The following ICA1 variants were observed in gnomAD, a reference collection of about 807,000 sequenced individuals.
ICA1 encodes the protein 69 kDa islet cell autoantigen.
In ICA1, 40 loss-of-function variants were observed where a neutral mutation model predicts 71.0. The observed-to-expected ratio is 0.56, with a 90% CI of 0.44 to 0.73. The LOEUF (loss-of-function observed/expected upper bound fraction) is 0.73. Ranked by LOEUF, ICA1 falls within the 30% of genes least tolerant of loss-of-function variation. The pLI is 0.00. For missense variants in ICA1, 578 were observed against 576.5 expected (o/e 1.00, Z -0.03); for synonymous variants, 207 against 209.5 (o/e 0.99, Z 0.10).
intron 6 of ICA1, among the ~76,000 whole-genome samples, chr7:8,192,446 C>T (rs1786009035): frequency 1.3e-5 from 2 of 152,200 alleles, no homozygotes; most frequent in African/African-American, 4.8e-5. Flanking sequence ...GTGGCACATG[C>T]TGTTGGTTAG....
In ICA1 at chr7:8,234,534, A is replaced by C. The variant is rs528002160; in HGVS notation, c.17+1376T>G. 2.6e-5 allele frequency among the ~76,000 whole-genome samples: 4 copies of C among 152,340 alleles called. No individual in the cohort carries two copies. Among genetic ancestry groups the C allele is most frequent in the Non-Finnish European group, 5.9e-5 (4 of 68,036 alleles). ...GACTATATCAAAATACCAGTATCTCAAAACCTACTTTCCTTCATTTACAAT... is the reference window on the plus strand; with the variant it reads ...GACTATATCAAAATACCAGTATCTCCAAACCTACTTTCCTTCATTTACAAT... On this transcript the variant is annotated intron_variant, in intron 2 of 13. Transcript: ENST00000402384. This position sits in a 1 kb window ranked among gnomAD's most constrained non-coding sequence, Gnocchi z 4.5.
intron 1 of ICA1, among the ~76,000 whole-genome samples, chr7:8,257,313 G>A (rs564023752): frequency 7.2e-5 from 11 of 152,274 alleles, no homozygotes; most frequent in African/African-American, 2.2e-4. Flanking sequence ...AGAGAAGACC[G>A]GATTTTCCCC....
At chr7:8,139,068 C>G (rs1230883044) in intron 10 of ICA1, 21 bp from the exon 11 acceptor site, 4 of 1,596,622 alleles carry the variant, frequency 2.5e-6, no homozygotes, top group Non-Finnish European at 3.4e-6. Flanking sequence ...ACATGTGCAA[C>G]TGGTTACCAA....
At chr7:8,131,417 T>C (rs1434030641) in intron 12 of ICA1, among the ~76,000 whole-genome samples, 1 of 152,202 alleles carries the variant, frequency 6.6e-6, no homozygotes, top group Non-Finnish European at 1.5e-5. Flanking sequence ...AACTTTTTAG[T>C]GACAGAAAAG....
intron 6 of ICA1, among the ~76,000 whole-genome samples, chr7:8,164,299 G>A (rs1315818187): frequency 1.9e-4 from 13 of 68,388 alleles, no homozygotes; most frequent in African/African-American, 5.2e-4. Context: ...GCGAGACTCC[G>A]TCTCAAAAAA....
chr7:8,219,849 T>G (rs75042308), intron 5 of ICA1, among the ~76,000 whole-genome samples: 2,480 of 152,350 alleles, frequency 0.016, 62 homozygotes, highest in African/African-American at 0.057. Context: ...TTCTAGATTC[T>G]TTGTTTCTCT....
At chr7:8,213,617 C>T (rs1241755595) in intron 6 of ICA1, among the ~76,000 whole-genome samples, 1 of 152,210 alleles carries the variant, frequency 6.6e-6, no homozygotes, top group East Asian at 1.9e-4. Flanking sequence ...TGACCTCTGA[C>T]AAAAACCAAT....
chr7:8,246,564 G>A (rs1463401898), intron 1 of ICA1, among the ~76,000 whole-genome samples: 1 of 152,122 alleles, frequency 6.6e-6, no homozygotes, highest in African/African-American at 2.4e-5. Flanking sequence ...CACCTTGATG[G>A]GGTTACAATA....
chr7:8,202,893 G>A (rs1268285024), intron 6 of ICA1, among the ~76,000 whole-genome samples: 3 of 152,086 alleles, frequency 2.0e-5, no homozygotes, highest in Non-Finnish European at 4.4e-5. Flanking sequence ...AAAATGCAGA[G>A]GGGAGGATTC....
At chr7:8,121,066 G>A (rs557424455) in intron 13 of ICA1, among the ~76,000 whole-genome samples, 37 of 152,370 alleles carry the variant, frequency 2.4e-4, no homozygotes, top group African/African-American at 7.7e-4. Flanking sequence ...TTTGGGGGTT[G>A]TCTGGATAAA....
At chr7:8,124,034 TG>T (rs1788048520) in intron 13 of ICA1, among the ~76,000 whole-genome samples, 1 of 152,006 alleles carries the variant, frequency 6.6e-6, no homozygotes, top group Non-Finnish European at 1.5e-5. Context: ...GGACAGTTCC[TG>T]GCACGTAGCA....
At chr7:8,143,821 C>A in intron 9 of ICA1, 54 bp downstream of exon 9, 1 of 1,179,192 alleles carries the variant, frequency 8.5e-7, no homozygotes, top group Non-Finnish European at 1.3e-6. Flanking sequence ...GCGAGAACCA[C>A]ATAACTCTCA....
Position 8,144,060 on chromosome 7 carries a change from A to G in ICA1, c.805-88T>C. 1.3e-6 allele frequency: 1 copy of G among 759,150 alleles called. No homozygotes were observed. Among genetic ancestry groups the G allele is most frequent in the Non-Finnish European group, 2.1e-6 (1 of 468,226 alleles). 47.0% of individuals were successfully genotyped at this position (759,150 alleles called of 1,614,324 possible). ...AAAGAAAAGAAAGGTTATCAATTAA[A>G]AAATTCAACTGCCATTTGTCCCAGC... On this transcript the variant is annotated intron_variant, in intron 8 of 13. Transcript: ENST00000402384. The surrounding 1 kb of genome is among the most constrained non-coding windows in gnomAD (Gnocchi z 4.5).
chr7:8,153,216 C>G (rs1302761987), intron 8 of ICA1, among the ~76,000 whole-genome samples: 1 of 152,176 alleles, frequency 6.6e-6, no homozygotes, highest in East Asian at 1.9e-4. Flanking sequence ...AGAACAAAGT[C>G]AAAAAACTGG....
intron 1 of ICA1, among the ~76,000 whole-genome samples, chr7:8,258,022 T>C (rs540965030): frequency 1.3e-5 from 2 of 152,288 alleles, no homozygotes; most frequent in South Asian, 2.1e-4. Flanking sequence ...TTCCTACTGG[T>C]TGTTTCAGGC....
At chr7:8,156,049 G>A (rs1801378635) in intron 8 of ICA1, among the ~76,000 whole-genome samples, 1 of 152,212 alleles carries the variant, frequency 6.6e-6, no homozygotes, top group African/African-American at 2.4e-5. Flanking sequence ...CGGCCAGCTG[G>A]GAGAGGATAA....
rs541653464 is a variant in ICA1 at position 8,130,304 on chromosome 7, AGGCAGGACTGTAAG to A, written c.1061-2176_1061-2163del. 3.3e-4 allele frequency among the ~76,000 whole-genome samples: 51 copies of A among 152,326 alleles called. No individual in the cohort carries two copies. The highest frequency in any genetic ancestry group is 1.2e-3 in the African/African-American group (49 of 41,582). On this transcript the variant is annotated intron_variant, in intron 12 of 13. Coordinates refer to ENST00000402384, the MANE Select transcript of ICA1 (RefSeq NM_001136020.3). This position sits in a 1 kb window ranked among gnomAD's most constrained non-coding sequence, Gnocchi z 4.2. ...CACTTGAGCCTGCACATGGTGGGCG[AGGCAGGACTGTAAG>A]GTCAGGCAGGTGGCCCACCTCTGTG...
At chr7:8,198,056 T>C (rs983390920) in intron 6 of ICA1, among the ~76,000 whole-genome samples, 2 of 152,224 alleles carry the variant, frequency 1.3e-5, no homozygotes, top group African/African-American at 4.8e-5. Context: ...GTTGTGTATG[T>C]AACAAACAAT....
chr7:8,199,103 G>A (rs1206412965), intron 6 of ICA1, among the ~76,000 whole-genome samples: 1 of 152,192 alleles, frequency 6.6e-6, no homozygotes, highest in African/African-American at 2.4e-5. Context: ...ACAAATTCTG[G>A]CAAGGATGTG....
Sources: allele counts gnomAD v4.1 joint callset (sites outside exome capture counted in the v4.1 genomes callset), GRCh38; gene constraint gnomAD v4.1.1; non-coding constraint Gnocchi (gnomAD v3.1); transcripts MANE v1.5; gene names NCBI Gene and HGNC (gene_info 2026-07-23, HGNC 2026-07-21).